Variants in EFCAB6 observed in about 807,000 individuals in gnomAD.
EFCAB6 encodes EF-hand calcium binding domain 6, also known as EF-hand calcium-binding domain-containing protein 6.
In EFCAB6, 156 loss-of-function variants were observed where a neutral mutation model predicts 169.8. The observed-to-expected ratio is 0.92, with a 90% confidence interval of 0.81 to 1.05. The LOEUF (loss-of-function observed/expected upper bound fraction) is 1.05, where lower values mean the gene tolerates loss of function less well. Ranked by LOEUF, EFCAB6 falls within the 50% of genes least tolerant of loss-of-function variation. The pLI, the probability that EFCAB6 is intolerant of heterozygous loss-of-function variation, is 0.00. For synonymous variants in EFCAB6, 698 were observed against 676.4 expected (o/e 1.03, Z -0.50); for missense variants, 1,800 against 1,829.1 (o/e 0.98, Z 0.29).
At chr22:43,737,592 CCAT>C (rs1281012904) in intron 6 of EFCAB6, among the ~76,000 whole-genome samples, 1 of 151,382 alleles carries the variant, frequency 6.6e-6, no homozygotes, top group Non-Finnish European at 1.5e-5. Context: ...CACACATACA[CCAT>C]CACTCACACA....
At chr22:43,764,626 G>C (rs1384088502) in intron 5 of EFCAB6, among the ~76,000 whole-genome samples, 1 of 152,122 alleles carries the variant, frequency 6.6e-6, no homozygotes, top group Non-Finnish European at 1.5e-5. Context: ...TTCTCATAGT[G>C]GCTGAACTAC....
chr22:43,736,617 C>T (rs970172401), intron 6 of EFCAB6, among the ~76,000 whole-genome samples: 1 of 152,014 alleles, frequency 6.6e-6, no homozygotes, highest in African/African-American at 2.4e-5. Context: ...GCAGGGAGCA[C>T]CCAGGATATT....
At chr22:43,549,943 T>C (rs772448454) in intron 27 of EFCAB6, among the ~76,000 whole-genome samples, 7 of 152,176 alleles carry the variant, frequency 4.6e-5, no homozygotes, top group East Asian at 1.9e-4. Context: ...AGGAAAAGCA[T>C]TGGATAAAAT....
chr22:43,529,913 G>A (rs923200696), intron 31 of EFCAB6, among the ~76,000 whole-genome samples: 1 of 152,224 alleles, frequency 6.6e-6, no homozygotes, highest in African/African-American at 2.4e-5. Context: ...AGTATATAAA[G>A]ATGAGGCCAT....
At chr22:43,603,114 G>C (rs188737242) in intron 22 of EFCAB6, among the ~76,000 whole-genome samples, 2 of 152,270 alleles carry the variant, frequency 1.3e-5, no homozygotes, top group East Asian at 3.9e-4. Flanking sequence ...CTGGTGTGCT[G>C]TGCTCAAGGG....
intron 30 of EFCAB6, among the ~76,000 whole-genome samples, chr22:43,533,878 G>A (rs1602093930): frequency 1.3e-5 from 2 of 152,352 alleles, no homozygotes; most frequent in Middle Eastern, 3.4e-3. Flanking sequence ...AAGCAGGACT[G>A]GGCTGGGCTG....
intron 3 of EFCAB6, among the ~76,000 whole-genome samples, chr22:43,779,577 TAC>T (rs1284909329): frequency 6.6e-6 from 1 of 152,014 alleles, no homozygotes; most frequent in African/African-American, 2.4e-5. Context: ...CCATTTCTAC[TAC>T]AAATACAAAA....
At chr22:43,614,638 G>A (rs530761817) in intron 21 of EFCAB6, among the ~76,000 whole-genome samples, 35 of 152,320 alleles carry the variant, frequency 2.3e-4, no homozygotes, top group African/African-American at 7.9e-4. Flanking sequence ...AACCTAGAGG[G>A]CTGCTCTGAA....
At chr22:43,599,775 G>A (rs528664122) in intron 23 of EFCAB6, among the ~76,000 whole-genome samples, 29 of 152,234 alleles carry the variant, frequency 1.9e-4, no homozygotes, top group African/African-American at 6.3e-4. Context: ...GGCCAAGGGC[G>A]TGGCCAGGCG....
At chr22:43,767,363 C>T (rs866195425) in intron 4 of EFCAB6, among the ~76,000 whole-genome samples, 3 of 152,192 alleles carry the variant, frequency 2.0e-5, no homozygotes, top group Non-Finnish European at 2.9e-5. Flanking sequence ...TCTGATAATG[C>T]ATTTTTAAGT....
chr22:43,659,344 T>C (rs927977205), intron 17 of EFCAB6, among the ~76,000 whole-genome samples: 1 of 152,194 alleles, frequency 6.6e-6, no homozygotes, highest in African/African-American at 2.4e-5. Context: ...AAATACTTAA[T>C]ATTTGACTTT....
intron 15 of EFCAB6, among the ~76,000 whole-genome samples, chr22:43,669,717 G>A (rs1413376751): frequency 6.6e-6 from 1 of 152,124 alleles, no homozygotes; most frequent in African/African-American, 2.4e-5. Flanking sequence ...TGTGTGCAGA[G>A]TATTGTATAT....
intron 8 of EFCAB6, 141 bp downstream of exon 8, chr22:43,731,558 T>C (rs969704282): frequency 3.9e-6 from 2 of 514,572 alleles, no homozygotes; most frequent in Admixed American, 4.2e-5. Flanking sequence ...GTTATTCTTA[T>C]AAATAATGAT....
chr22:43,577,210 T>C (rs2050316201), intron 25 of EFCAB6, among the ~76,000 whole-genome samples: 1 of 152,154 alleles, frequency 6.6e-6, no homozygotes, highest in Non-Finnish European at 1.5e-5. Flanking sequence ...AGAAAGCACA[T>C]TTTTTTCCAT....
intron 17 of EFCAB6, among the ~76,000 whole-genome samples, chr22:43,643,031 A>T (rs1302474240): frequency 2.0e-5 from 3 of 152,196 alleles, no homozygotes; most frequent in African/African-American, 7.2e-5. Flanking sequence ...GGAACAGCAT[A>T]GTGTCAAGAG....
At chr22:43,545,482 A>G (rs545306650) in intron 27 of EFCAB6, among the ~76,000 whole-genome samples, 1 of 152,344 alleles carries the variant, frequency 6.6e-6, no homozygotes, top group Non-Finnish European at 1.5e-5. Context: ...CGAATCATTA[A>G]GGGCCAAGGA....
chr22:43,643,544 C>G (rs1056270726), intron 17 of EFCAB6, among the ~76,000 whole-genome samples: 7 of 152,234 alleles, frequency 4.6e-5, no homozygotes, highest in African/African-American at 1.7e-4. Context: ...TGCAACCCAG[C>G]TCTGGCAGCC....
At chr22:43,719,638 T>G (rs1457006013) in intron 8 of EFCAB6, among the ~76,000 whole-genome samples, 5 of 152,170 alleles carry the variant, frequency 3.3e-5, no homozygotes, top group African/African-American at 1.2e-4. Flanking sequence ...TAACATATTT[T>G]CCCCCAAAAA....
intron 5 of EFCAB6, among the ~76,000 whole-genome samples, chr22:43,764,579 A>G (rs1038262489): frequency 6.6e-6 from 1 of 152,168 alleles, no homozygotes. Context: ...GCTGGGTCCA[A>G]TGATAGTTCC....
Sources: allele counts gnomAD v4.1 joint callset (sites outside exome capture counted in the v4.1 genomes callset), GRCh38; gene constraint gnomAD v4.1.1; transcripts MANE v1.5; gene names NCBI Gene and HGNC (gene_info 2026-07-23, HGNC 2026-07-21).